Variants in CCDC126 observed in about 807,000 individuals in gnomAD.
The protein encoded by CCDC126 is coiled-coil domain-containing protein 126.
CCDC126 carries 5 observed loss-of-function variants against 11.7 expected under a neutral mutation model. That is an observed-to-expected ratio of 0.43 (90% CI 0.22 to 0.90). CCDC126 has a LOEUF of 0.90. CCDC126 is among the 40% of genes least tolerant of loss of function. CCDC126 has a pLI of 0.27. For missense variants in CCDC126, 150 were observed against 163.1 expected (o/e 0.92, Z 0.44); for synonymous variants, 60 against 61.9 (o/e 0.97, Z 0.14).
At chr7:23,611,886 G>T (rs1782717541) in intron 3 of CCDC126, among the ~76,000 whole-genome samples, 1 of 152,204 alleles carries the variant, frequency 6.6e-6, no homozygotes, top group African/African-American at 2.4e-5. Flanking sequence ...GCTCACGCCT[G>T]TAATCCCAGC....
chr7:23,625,494 T>C (rs1782999080), intron 3 of CCDC126, among the ~76,000 whole-genome samples: 1 of 152,116 alleles, frequency 6.6e-6, no homozygotes, highest in Non-Finnish European at 1.5e-5. Flanking sequence ...TGGCATTTAG[T>C]TGTTTGCTTT....
chr7:23,600,823 G>A (rs2128013508), intron 2 of CCDC126, among the ~76,000 whole-genome samples: 1 of 152,244 alleles, frequency 6.6e-6, no homozygotes, highest in African/African-American at 2.4e-5. Context: ...TAAAATACAA[G>A]GAAGTACTTC....
At chr7:23,640,991 G>GA (rs754297249) in intron 3 of CCDC126, among the ~76,000 whole-genome samples, 31,865 of 110,168 alleles carry the variant, frequency 0.29, 4,656 homozygotes, top group Non-Finnish European at 0.33. Flanking sequence ...GAATCCTTTT[G>GA]GTTTTTTTTT....
At chr7:23,612,895 G>T (rs561073903) in intron 3 of CCDC126, among the ~76,000 whole-genome samples, 3 of 152,216 alleles carry the variant, frequency 2.0e-5, no homozygotes, top group African/African-American at 7.2e-5. Flanking sequence ...TTCTTATCAT[G>T]ACATGTTCTT....
chr7:23,631,628 G>C (rs550042435), intron 3 of CCDC126, among the ~76,000 whole-genome samples: 2 of 152,068 alleles, frequency 1.3e-5, no homozygotes, highest in Admixed American at 1.3e-4. Flanking sequence ...GGGCGTGGTG[G>C]TGTGCACCTG....
At chr7:23,633,688 C>A (rs953651210) in intron 3 of CCDC126, among the ~76,000 whole-genome samples, 2 of 152,124 alleles carry the variant, frequency 1.3e-5, no homozygotes, top group East Asian at 3.9e-4. Context: ...CATGGCGAAA[C>A]CTTGTCTCTA....
At chr7:23,619,867 T>C (rs1371645757) in intron 3 of CCDC126, among the ~76,000 whole-genome samples, 1 of 151,786 alleles carries the variant, frequency 6.6e-6, no homozygotes, top group Admixed American at 6.6e-5. Flanking sequence ...TTGCTGAGAA[T>C]GATGGTTTCC....
chr7:23,623,934 C>G (rs573598655), intron 3 of CCDC126, among the ~76,000 whole-genome samples: 30 of 152,182 alleles, frequency 2.0e-4, no homozygotes, highest in Non-Finnish European at 4.0e-4. Context: ...GCACATATAT[C>G]CCAGAACTTT....
chr7:23,637,835 A>T (rs1363429499), intron 3 of CCDC126, among the ~76,000 whole-genome samples: 2 of 84,558 alleles, frequency 2.4e-5, no homozygotes, highest in Admixed American at 1.2e-4. Flanking sequence ...TCCGGGAGGG[A>T]GGTGGGGGGG....
intron 3 of CCDC126, among the ~76,000 whole-genome samples, chr7:23,622,151 G>A (rs1455236551): frequency 6.6e-6 from 1 of 152,176 alleles, no homozygotes; most frequent in African/African-American, 2.4e-5. Flanking sequence ...GTTTCAGAAG[G>A]AATGGTACCA....
At chr7:23,611,738 C>T (rs748143335) in intron 3 of CCDC126, among the ~76,000 whole-genome samples, 185 bp downstream of exon 3, 3 of 152,134 alleles carry the variant, frequency 2.0e-5, no homozygotes, top group Non-Finnish European at 4.4e-5. Flanking sequence ...ATTCATCATC[C>T]AGACTTAACA....
At chr7:23,601,705 TTTAA>T (rs1389924001) in intron 2 of CCDC126, among the ~76,000 whole-genome samples, 3 of 152,118 alleles carry the variant, frequency 2.0e-5, no homozygotes, top group Admixed American at 1.3e-4. Context: ...CTTTGTTTGA[TTTAA>T]TTAATTAATT....
intron 3 of CCDC126, among the ~76,000 whole-genome samples, chr7:23,634,245 A>G (rs914396463): frequency 6.6e-6 from 1 of 152,214 alleles, no homozygotes; most frequent in Non-Finnish European, 1.5e-5. Flanking sequence ...CAGGAGTTCA[A>G]GAGTAGTCCA....
At chr7:23,624,273 C>A (rs1383202493) in intron 3 of CCDC126, among the ~76,000 whole-genome samples, 1 of 152,128 alleles carries the variant, frequency 6.6e-6, no homozygotes, top group Non-Finnish European at 1.5e-5. Flanking sequence ...GTTCACTTCA[C>A]CATCTTTACC....
chr7:23,603,067 G>T (rs1392287218), intron 2 of CCDC126, among the ~76,000 whole-genome samples: 1 of 152,088 alleles, frequency 6.6e-6, no homozygotes, highest in East Asian at 1.9e-4. Context: ...AGGCCTTTAT[G>T]CACTGCCCCC....
At chr7:23,613,785 A>G (rs915660689) in intron 3 of CCDC126, among the ~76,000 whole-genome samples, 1 of 152,244 alleles carries the variant, frequency 6.6e-6, no homozygotes, top group African/African-American at 2.4e-5. Flanking sequence ...CAATAAAGTG[A>G]ATGTCACAAT....
intron 3 of CCDC126, among the ~76,000 whole-genome samples, chr7:23,640,792 A>G (rs748798270): frequency 1.3e-5 from 2 of 151,864 alleles, no homozygotes; most frequent in Non-Finnish European, 1.5e-5. Context: ...TTCAAGGTTC[A>G]TCTGTGTTGT....
chr7:23,608,959 TC>T (rs1437648608), intron 2 of CCDC126, among the ~76,000 whole-genome samples: 1 of 151,966 alleles, frequency 6.6e-6, no homozygotes, highest in Admixed American at 6.6e-5. Context: ...TCATGACTCT[TC>T]AAAGCTGTCC....
intron 3 of CCDC126, among the ~76,000 whole-genome samples, chr7:23,639,748 C>A (rs1407789395): frequency 6.6e-6 from 1 of 152,210 alleles, no homozygotes; most frequent in Non-Finnish European, 1.5e-5. Flanking sequence ...CTTTATATTA[C>A]ATTTCTCTTT....
Sources: gnomAD v4.1 joint callset for allele counts (sites outside exome capture counted in the v4.1 genomes callset) on GRCh38, gnomAD v4.1.1 for gene constraint, MANE v1.5 for transcripts, NCBI Gene and HGNC (gene_info 2026-07-23, HGNC 2026-07-21) for gene names.